ALK: variants seen among roughly 807,000 people sequenced by gnomAD.
The protein encoded by ALK is ALK receptor tyrosine kinase.
Under a neutral mutation model 163.1 loss-of-function variants are expected in ALK, and 74 were observed. That is an observed-to-expected ratio of 0.45 (90% CI 0.38 to 0.55). ALK has a LOEUF of 0.55. Among genes scored for constraint, ALK ranks in the 20% least tolerant of loss-of-function variants. ALK has a pLI of 0.00. For missense variants in ALK, 2,063 were observed against 2,105.3 expected, an observed-to-expected ratio of 0.98 and a Z score of 0.39; for synonymous variants, 960 against 843.2, an observed-to-expected ratio of 1.14 and a Z score of -2.40.
At chr2:29,786,200 C>T (rs1664020023) in intron 1 of ALK, among the ~76,000 whole-genome samples, 1 of 151,972 alleles carries the variant, frequency 6.6e-6, no homozygotes, top group South Asian at 2.1e-4. Flanking sequence ...TTTTTTCTTC[C>T]TTTTCCCATC....
chr2:29,441,865 G>A (rs139340153), intron 4 of ALK, among the ~76,000 whole-genome samples: 10 of 152,280 alleles, frequency 6.6e-5, no homozygotes, highest in African/African-American at 2.2e-4. Flanking sequence ...CCCCTCTGCT[G>A]CATTCATCTG....
Position 29,383,765 on chromosome 2 carries a change from C to T in ALK, c.1249G>A (p.Val417Met), listed in dbSNP as rs886055931. 2.5e-6 allele frequency: 4 copies of T among 1,614,170 alleles called. No homozygotes were observed. Among genetic ancestry groups the T allele is most frequent in the Middle Eastern group, 1.7e-4 (1 of 6,058 alleles). Residue 417 changes from valine to methionine, a missense_variant, in exon 5 of 29, where the codon GTG (valine) becomes ATG (methionine). This residue lies in a region of ALK where 987 missense variants were observed against 939.5 expected (regional missense o/e 1.05). Coordinates refer to ENST00000389048, the MANE Select transcript of ALK (RefSeq NM_004304.5). The part of the protein sequence containing the change: ...ISSGNRSLSA[V>M]DFFALKNCSE... ...CAGTTCTTCAGGGCAAAGAAGTCCA[C>T]TGCAGACAAGCTGCGGTTTCCACTG...
intron 1 of ALK, among the ~76,000 whole-genome samples, chr2:29,912,235 T>C (rs1221571147): frequency 2.0e-5 from 3 of 152,228 alleles, no homozygotes; most frequent in South Asian, 2.1e-4. Flanking sequence ...CATAAACTTA[T>C]AGACTCAAGA....
chr2:29,666,852 T>C (rs916694027), intron 3 of ALK, among the ~76,000 whole-genome samples: 1 of 152,048 alleles, frequency 6.6e-6, no homozygotes, highest in African/African-American at 2.4e-5. Context: ...TTCTCCTACC[T>C]TTCCCAGCCT....
intron 1 of ALK, among the ~76,000 whole-genome samples, chr2:29,826,965 G>C (rs1665219385): frequency 6.6e-6 from 1 of 152,192 alleles, no homozygotes; most frequent in African/African-American, 2.4e-5. Flanking sequence ...ATTTCAAAAA[G>C]GTTTGCCTTC....
intron 1 of ALK, among the ~76,000 whole-genome samples, chr2:29,834,249 A>G (rs1364531137): frequency 6.6e-6 from 1 of 152,164 alleles, no homozygotes; most frequent in Non-Finnish European, 1.5e-5. Flanking sequence ...GAGAGCTCTA[A>G]TCACACAGTA....
chr2:29,456,043 A>G (rs1472988544), intron 4 of ALK, among the ~76,000 whole-genome samples: 1 of 152,172 alleles, frequency 6.6e-6, no homozygotes, highest in African/African-American at 2.4e-5. Context: ...AAACAACAAC[A>G]ACAATGTCCA....
chr2:29,648,339 G>A (rs913738092), intron 3 of ALK, among the ~76,000 whole-genome samples: 1 of 152,014 alleles, frequency 6.6e-6, no homozygotes, highest in African/African-American at 2.4e-5. Flanking sequence ...AAATTGTGGT[G>A]AAATATACAT....
At chr2:29,694,120 A>T (rs75148537) in intron 3 of ALK, among the ~76,000 whole-genome samples, 1,945 of 152,290 alleles carry the variant, frequency 0.013, 40 homozygotes, top group African/African-American at 0.044. Flanking sequence ...TGAGACATAA[A>T]ACTAGACTAG....
intron 3 of ALK, among the ~76,000 whole-genome samples, chr2:29,567,678 C>T (rs538584009): frequency 1.3e-4 from 20 of 150,016 alleles, no homozygotes; most frequent in African/African-American, 4.1e-4. Context: ...TCCCAAGGTG[C>T]GTCTGGCCAC....
chr2:29,657,534 T>C (rs149832415), intron 3 of ALK, among the ~76,000 whole-genome samples: 1 of 152,278 alleles, frequency 6.6e-6, no homozygotes, highest in East Asian at 1.9e-4. Context: ...TTGGGGGATA[T>C]GGACATAGAG....
intron 1 of ALK, among the ~76,000 whole-genome samples, chr2:29,918,383 G>T (rs1667891560): frequency 6.6e-6 from 1 of 152,206 alleles, no homozygotes; most frequent in Admixed American, 6.5e-5. Flanking sequence ...ACAGAATGTT[G>T]CATGTATAAA....
chr2:29,235,145 G>C (rs1664336628), intron 13 of ALK, among the ~76,000 whole-genome samples: 1 of 152,202 alleles, frequency 6.6e-6, no homozygotes, highest in Non-Finnish European at 1.5e-5. Flanking sequence ...GAAGTAGGAT[G>C]GTGCTTCAAA....
At chr2:29,850,519 T>C (rs1665963057) in intron 1 of ALK, among the ~76,000 whole-genome samples, 1 of 152,210 alleles carries the variant, frequency 6.6e-6, no homozygotes, top group Non-Finnish European at 1.5e-5. Flanking sequence ...CCCCAGAGCC[T>C]GATAAAGAGA....
rs2276549 is a variant in ALK, at chr2:29,318,238, C to T, written c.1647+66G>A. ...CAGCCAGCTAGGCTACTTTCTTAAT[C>T]TGGGTTCCGGAAGTGACAAGAGGTG... On this transcript the variant is annotated intron_variant, in intron 8 of 28. Coordinates refer to ENST00000389048, the MANE Select transcript of ALK (RefSeq NM_004304.5). The T allele has an allele frequency of 0.67, 903,373 of 1,348,214 alleles. 311,652 individuals are homozygous for T. Among genetic ancestry groups the T allele is most frequent in the East Asian group, 0.81 (35,158 of 43,480 alleles). The allele number at this position is 1,348,214 out of a possible 1,614,324, so 83.5% of individuals were successfully genotyped here. A position where few individuals can be genotyped will look rare whatever the true frequency, so the allele number is the denominator to read the frequency against.
intron 4 of ALK, among the ~76,000 whole-genome samples, chr2:29,446,842 C>A (rs908790965): frequency 8.5e-5 from 13 of 152,194 alleles, no homozygotes; most frequent in African/African-American, 2.9e-4. Flanking sequence ...AGAGTTTAAA[C>A]TTTAGTTACC....
At chr2:29,715,141 T>C (rs1183037210) in intron 2 of ALK, among the ~76,000 whole-genome samples, 1 of 152,214 alleles carries the variant, frequency 6.6e-6, no homozygotes, top group Non-Finnish European at 1.5e-5. Context: ...GTGGTGGTAA[T>C]GTCTTCATAA....
At chr2:29,197,176 C>A (rs1327701111) in intron 27 of ALK, among the ~76,000 whole-genome samples, 1 of 152,152 alleles carries the variant, frequency 6.6e-6, no homozygotes, top group Admixed American at 6.5e-5. Context: ...TGAGGGGTGC[C>A]AGGCAGGGCA....
chr2:29,533,913 AG>A (rs1673182946), intron 3 of ALK, among the ~76,000 whole-genome samples: 1 of 152,218 alleles, frequency 6.6e-6, no homozygotes, highest in East Asian at 1.9e-4. Context: ...ATCCGTAAAG[AG>A]GAAGACCCTT....
Sources: allele counts gnomAD v4.1 joint callset (sites outside exome capture counted in the v4.1 genomes callset), GRCh38; gene constraint gnomAD v4.1.1; regional missense constraint gnomAD v4.1.1; transcripts MANE v1.5; gene names NCBI Gene and HGNC (gene_info 2026-07-23, HGNC 2026-07-21).